The following SCYL2 variants were observed in gnomAD, a reference collection of about 807,000 sequenced individuals.
The protein encoded by SCYL2 is SCY1-like protein 2.
Under a neutral mutation model 100.4 loss-of-function variants are expected in SCYL2, and 36 were observed. That is an observed-to-expected ratio of 0.36 (90% CI 0.27 to 0.47). SCYL2 has a LOEUF of 0.47. SCYL2 is among the 20% of genes least tolerant of loss of function. The probability of loss-of-function intolerance (pLI) is 1.00; values close to 1 mark genes in which losing one functional copy is unlikely to be tolerated. For synonymous variants in SCYL2, 330 were observed against 359.2 expected (o/e 0.92, Z 0.92); for missense variants, 902 against 1,083.9 (o/e 0.83, Z 2.36).
intron 16 of SCYL2, among the ~76,000 whole-genome samples, chr12:100,336,184 C>T (rs968080201): frequency 6.6e-6 from 1 of 152,064 alleles, no homozygotes; most frequent in South Asian, 2.1e-4. Context: ...GCCAGTCACA[C>T]CCCTTGGTGA....
At chr12:100,332,171 T>C (rs1952217801) in intron 13 of SCYL2, among the ~76,000 whole-genome samples, 1 of 152,238 alleles carries the variant, frequency 6.6e-6, no homozygotes, top group African/African-American at 2.4e-5. Context: ...ATTGTGGTTA[T>C]ACATGTGAAA....
At chr12:100,281,019 GTTTTTTTTTTTTT>G (rs202048587) in intron 1 of SCYL2, among the ~76,000 whole-genome samples, 4 of 50,466 alleles carry the variant, frequency 7.9e-5, no homozygotes, top group Non-Finnish European at 1.7e-4. Context: ...TACCATCAGT[GTTTTTTTTTTTTT>G]TTTTTTTTTT....
At chr12:100,334,549 G>C (rs1425436320) in intron 14 of SCYL2, among the ~76,000 whole-genome samples, 8 of 151,962 alleles carry the variant, frequency 5.3e-5, no homozygotes, top group Non-Finnish European at 1.0e-4. Context: ...CTTGTCAGCA[G>C]TAGCCACTAG....
intron 1 of SCYL2, among the ~76,000 whole-genome samples, chr12:100,279,454 C>T (rs1251682282): frequency 6.6e-6 from 1 of 152,224 alleles, no homozygotes; most frequent in Non-Finnish European, 1.5e-5. Flanking sequence ...TTGTATAAGT[C>T]ACATCGTCTT....
At chr12:100,282,853 G>T in intron 1 of SCYL2, 90 bp from the exon 2 acceptor site, 1 of 571,012 alleles carries the variant, frequency 1.8e-6, no homozygotes, top group Non-Finnish European at 2.9e-6. Flanking sequence ...TCACTGTTTG[G>T]GAGATCTTAC....
intron 10 of SCYL2, among the ~76,000 whole-genome samples, chr12:100,318,312 G>C (rs1244964486): frequency 1.3e-5 from 2 of 150,072 alleles, no homozygotes; most frequent in Non-Finnish European, 3.0e-5. Context: ...AGATGCATGT[G>C]CCTTTTTCTT....
intron 13 of SCYL2, among the ~76,000 whole-genome samples, chr12:100,333,096 T>C (rs1467490929): frequency 1.3e-5 from 2 of 151,978 alleles, no homozygotes; most frequent in Non-Finnish European, 2.9e-5. Flanking sequence ...TTTTTTTGTC[T>C]GTGCACTTTG....
intron 2 of SCYL2, among the ~76,000 whole-genome samples, chr12:100,285,735 C>G (rs2096303812): frequency 6.6e-6 from 1 of 152,056 alleles, no homozygotes; most frequent in Admixed American, 6.6e-5. Flanking sequence ...CTGACTTAGT[C>G]TTTTTACACA....
chr12:100,310,053 C>T (rs2096340264), intron 4 of SCYL2, among the ~76,000 whole-genome samples: 1 of 151,106 alleles, frequency 6.6e-6, no homozygotes, highest in Non-Finnish European at 1.5e-5. Context: ...GGCTGGAGTT[C>T]AGTGGCACAA....
Position 100,338,875 on chromosome 12 carries a change from A to G in SCYL2, c.2493A>G (p.Gln831=), listed in dbSNP as rs1246648113. 8.7e-6 allele frequency: 14 copies of G among 1,614,130 alleles called. No individual in the cohort carries two copies. The highest frequency in any genetic ancestry group is 2.2e-5 in the East Asian group (1 of 44,882). The change falls in exon 18 of 18, where the codon CAA becomes CAG. Residue 831 remains glutamine (Q), a synonymous_variant. Coordinates refer to ENST00000360820, the MANE Select transcript of SCYL2 (RefSeq NM_017988.6). ...CTCCTGCTGGTGCAAAGCAGACCCA[A>G]CAAAGACCCACAGATATGTCTGCCC... ...SVPPAGAKQT[Q]QRPTDMSALN...
rs116032552 is a variant in SCYL2 at position 100,339,673 on chromosome 12, A to T, written c.*501A>T. 104 of 153,996 alleles carry T rather than the reference A, an allele frequency of 6.8e-4. No individual in the cohort carries two copies. The highest frequency in any genetic ancestry group is 2.4e-3 in the African/African-American group (100 of 41,570). The allele number at this position is 153,996 out of a possible 1,614,324, so 9.5% of individuals were successfully genotyped here. ...TGAGAAAATGATAAGCATAAAGAGA[A>T]GTATCAGGTTATTTGCTTTTTCCAA... On this transcript the variant is annotated 3_prime_UTR_variant, in exon 18 of 18. Transcript: ENST00000360820.
chr12:100,304,148 G>C (rs942612315), intron 4 of SCYL2, among the ~76,000 whole-genome samples: 1 of 152,188 alleles, frequency 6.6e-6, no homozygotes, highest in Non-Finnish European at 1.5e-5. Context: ...AGACTGCTGT[G>C]CTGGCAGCAA....
At chr12:100,294,449 A>AG (rs2096315356) in intron 3 of SCYL2, among the ~76,000 whole-genome samples, 2 of 67,704 alleles carry the variant, frequency 3.0e-5, no homozygotes, top group African/African-American at 6.1e-5. Context: ...ACTTCCCAGT[A>AG]GGGGCGGCCG....
At chr12:100,270,623 C>CTTTTTTTTTTTTTTT (rs559329533) in intron 1 of SCYL2, among the ~76,000 whole-genome samples, 2 of 125,690 alleles carry the variant, frequency 1.6e-5, no homozygotes, top group Non-Finnish European at 3.4e-5. Context: ...ATGTTGCTTT[C>CTTTTTTTTTTTTTTT]TTTTTTTTTT....
chr12:100,338,388 C>A, intron 17 of SCYL2, 140 bp from the exon 18 acceptor site: 1 of 586,740 alleles, frequency 1.7e-6, no homozygotes, highest in Non-Finnish European at 2.7e-6. Context: ...ATTTGACCGG[C>A]AGGCTATAGT....
rs967369622 is a variant in SCYL2 at position 100,282,460 on chromosome 12, G to T, written c.-28-483G>T. Among the ~76,000 whole-genome samples, 5 of 148,224 alleles carry T rather than the reference G, an allele frequency of 3.4e-5. No homozygotes were observed. The East Asian group carries it at 9.7e-4, about 29-fold the overall frequency. On this transcript the variant is annotated intron_variant, in intron 1 of 17. Coordinates refer to ENST00000360820, the MANE Select transcript of SCYL2 (RefSeq NM_017988.6). ...TGGGCCTCAGCCTCCCAAGTAGCTG[G>T]GACTACGGGCACCTGCCACCACGCC...
chr12:100,307,122 T>C (rs2096335506), intron 4 of SCYL2, among the ~76,000 whole-genome samples: 1 of 152,216 alleles, frequency 6.6e-6, no homozygotes, highest in South Asian at 2.1e-4. Context: ...ACTGATTTTC[T>C]TCACAGAATT....
intron 1 of SCYL2, among the ~76,000 whole-genome samples, chr12:100,275,022 G>A (rs11830139): frequency 0.032 from 4,911 of 152,256 alleles, 97 homozygotes; most frequent in African/African-American, 0.058. Flanking sequence ...TCCAATTCAT[G>A]ATCACAGTAT....
intron 11 of SCYL2, among the ~76,000 whole-genome samples, chr12:100,324,670 A>C (rs1308607821): frequency 6.6e-6 from 1 of 152,184 alleles, no homozygotes; most frequent in Non-Finnish European, 1.5e-5. Flanking sequence ...AAATGAAATA[A>C]AGTCAAGTTT....
Sources: gnomAD v4.1 joint callset for allele counts (sites outside exome capture counted in the v4.1 genomes callset) on GRCh38, gnomAD v4.1.1 for gene constraint, MANE v1.5 for transcripts, NCBI Gene and HGNC (gene_info 2026-07-23, HGNC 2026-07-21) for gene names.